The following GPC5 variants were observed in gnomAD, a reference collection of about 807,000 sequenced individuals.
GPC5 encodes glypican 5.
Under a neutral mutation model 53.9 loss-of-function variants are expected in GPC5, and 47 were observed. The observed-to-expected ratio is 0.87, with a 90% CI of 0.69 to 1.11. The LOEUF is 1.11. Ranked by LOEUF, GPC5 falls within the 50% of genes most tolerant of loss-of-function variation. GPC5 has a pLI of 0.00. For missense variants in GPC5, 748 were observed against 713.1 expected (o/e 1.05, Z -0.56); for synonymous variants, 286 against 263.3 (o/e 1.09, Z -0.84).
At chr13:92,641,122 A>T (rs183872018) in intron 7 of GPC5, among the ~76,000 whole-genome samples, 10 of 152,350 alleles carry the variant, frequency 6.6e-5, no homozygotes, top group Admixed American at 5.2e-4. Flanking sequence ...AAAGTGTCTC[A>T]TCACAGACTG....
intron 2 of GPC5, among the ~76,000 whole-genome samples, chr13:91,607,662 T>C (rs925505989): frequency 6.6e-6 from 1 of 152,232 alleles, no homozygotes; most frequent in African/African-American, 2.4e-5. Flanking sequence ...TCATTTCTTG[T>C]CTTATTCCAA....
chr13:91,713,146 G>C (rs577856266), intron 3 of GPC5, among the ~76,000 whole-genome samples: 6 of 152,116 alleles, frequency 3.9e-5, no homozygotes, highest in Non-Finnish European at 5.9e-5. Flanking sequence ...AGCTGACATC[G>C]TGCCACTGCA....
rs1378090635 is a variant in GPC5 at position 91,892,251 on chromosome 13, CT to C, written c.1281-15685del. Among the ~76,000 whole-genome samples the C allele has an allele frequency of 1.1e-4, 16 of 151,872 alleles. No individual in the cohort carries two copies. The East Asian group carries it at 2.9e-3, about 27-fold the overall frequency. ...AAACATTGACCACATAGTATTTTTT[CT>C]CATAAAAATGTATTCTCTTTTCTTT... is the stretch of plus-strand genomic sequence containing the variant. On this transcript the variant is annotated intron_variant, in intron 5 of 7. Coordinates refer to ENST00000377067, the MANE Select transcript of GPC5 (RefSeq NM_004466.6).
At chr13:92,765,546 T>C (rs1875370270) in intron 7 of GPC5, among the ~76,000 whole-genome samples, 1 of 152,214 alleles carries the variant, frequency 6.6e-6, no homozygotes, top group Admixed American at 6.6e-5. Flanking sequence ...CATAACGTAT[T>C]GGCCCCAATT....
chr13:92,699,132 G>T (rs897583378), intron 7 of GPC5, among the ~76,000 whole-genome samples: 5 of 151,952 alleles, frequency 3.3e-5, no homozygotes, highest in Non-Finnish European at 5.9e-5. Context: ...TCAGGGATTC[G>T]ACTTCTTCCT....
At chr13:92,451,969 T>C (rs566580213) in intron 7 of GPC5, among the ~76,000 whole-genome samples, 38 of 152,262 alleles carry the variant, frequency 2.5e-4, no homozygotes, top group African/African-American at 9.1e-4. Flanking sequence ...CTCTGTAATA[T>C]CATGCACTGA....
At chr13:92,622,720 A>T (rs1425261114) in intron 7 of GPC5, among the ~76,000 whole-genome samples, 2 of 152,160 alleles carry the variant, frequency 1.3e-5, no homozygotes, top group Non-Finnish European at 2.9e-5. Flanking sequence ...ATGAGCCACC[A>T]TGCCTGGCCC....
At chr13:92,714,230 G>A (rs1303240239) in intron 7 of GPC5, among the ~76,000 whole-genome samples, 1 of 152,110 alleles carries the variant, frequency 6.6e-6, no homozygotes, top group East Asian at 1.9e-4. Flanking sequence ...CCTCCCATCT[G>A]CTGCTCAAAA....
In GPC5 at chr13:92,619,182, T is replaced by A. The variant is rs549996889; in HGVS notation, c.1562-247100T>A. Among the ~76,000 whole-genome samples, 3 of 152,092 alleles carry A rather than the reference T, an allele frequency of 2.0e-5. No individual in the cohort carries two copies. In the South Asian group the frequency reaches 6.2e-4, roughly 32 times the overall value. On this transcript the variant is annotated intron_variant, in intron 7 of 7. Transcript: ENST00000377067. ...ACACATTATCATTTATGCATGGAGA[T>A]AATTTTCTGAGAAATAAGAGTCAAG...
chr13:91,498,949 GAA>G (rs1019441206), intron 2 of GPC5, among the ~76,000 whole-genome samples: 9 of 148,444 alleles, frequency 6.1e-5, no homozygotes, highest in African/African-American at 2.2e-4. Context: ...CCAGCCTGGG[GAA>G]CAGAGATGGA....
intron 2 of GPC5, among the ~76,000 whole-genome samples, chr13:91,468,007 A>T (rs1882356214): frequency 6.6e-6 from 1 of 152,124 alleles, no homozygotes; most frequent in Admixed American, 6.6e-5. Flanking sequence ...TAAGTTCTTT[A>T]TGCATAGGTG....
intron 5 of GPC5, among the ~76,000 whole-genome samples, chr13:91,863,719 T>C (rs908148315): frequency 6.6e-6 from 1 of 152,180 alleles, no homozygotes; most frequent in African/African-American, 2.4e-5. Flanking sequence ...CCATTCCTTA[T>C]GGTTAATATC....
chr13:91,824,373 G>A (rs9515980), intron 5 of GPC5, among the ~76,000 whole-genome samples: 56,801 of 151,812 alleles, frequency 0.37, 11,911 homozygotes, highest in East Asian at 0.64. Flanking sequence ...GAAAGTCTAG[G>A]AAGCATTTAA....
intron 6 of GPC5, among the ~76,000 whole-genome samples, chr13:92,140,943 G>C (rs968592100): frequency 6.6e-6 from 1 of 152,152 alleles, no homozygotes; most frequent in African/African-American, 2.4e-5. Flanking sequence ...AGCTCAATCT[G>C]TTAGGATGAA....
intron 7 of GPC5, among the ~76,000 whole-genome samples, chr13:92,675,155 CAGAG>C (rs35663051): frequency 6.6e-6 from 1 of 151,738 alleles, no homozygotes; most frequent in Non-Finnish European, 1.5e-5. Flanking sequence ...CAGAAATTAT[CAGAG>C]AGTTATAAAA....
At chr13:92,856,584 T>C (rs1879008306) in intron 7 of GPC5, among the ~76,000 whole-genome samples, 1 of 151,992 alleles carries the variant, frequency 6.6e-6, no homozygotes, top group African/African-American at 2.4e-5. Context: ...GCCTAAAAAA[T>C]TCTAAAGAAT....
intron 7 of GPC5, among the ~76,000 whole-genome samples, chr13:92,707,912 T>C (rs1386121003): frequency 1.3e-5 from 2 of 152,052 alleles, no homozygotes; most frequent in Non-Finnish European, 2.9e-5. Flanking sequence ...AGCAAAGAAA[T>C]GACAATCAGA....
intron 7 of GPC5, among the ~76,000 whole-genome samples, chr13:92,855,429 A>C (rs1878965063): frequency 1.3e-5 from 2 of 152,020 alleles, no homozygotes; most frequent in Non-Finnish European, 2.9e-5. Flanking sequence ...ATTATTTCCA[A>C]GTGTTGTAAT....
intron 6 of GPC5, among the ~76,000 whole-genome samples, chr13:92,104,065 T>A (rs2041488037): frequency 6.6e-6 from 1 of 152,130 alleles, no homozygotes; most frequent in Non-Finnish European, 1.5e-5. Context: ...GCTATTTGCA[T>A]TGAGAGAGCT....
Sources: gnomAD v4.1 joint callset for allele counts (sites outside exome capture counted in the v4.1 genomes callset) on GRCh38, gnomAD v4.1.1 for gene constraint, MANE v1.5 for transcripts, NCBI Gene and HGNC (gene_info 2026-07-23, HGNC 2026-07-21) for gene names.